HOXC4: variants seen among roughly 807,000 people sequenced by gnomAD.
HOXC4 encodes the protein homeobox protein Hox-C4.
In HOXC4, 15 loss-of-function variants were observed where a neutral mutation model predicts 25.5. The observed-to-expected ratio is 0.59, with a 90% confidence interval of 0.39 to 0.91. The LOEUF is 0.91. Ranked by LOEUF, HOXC4 falls within the 40% of genes least tolerant of loss-of-function variation. The pLI is 0.00. For missense variants in HOXC4, 342 were observed against 352.4 expected, an observed-to-expected ratio of 0.97 and a Z score of 0.24; for synonymous variants, 165 against 148.0, an observed-to-expected ratio of 1.11 and a Z score of -0.83.
intron 1 of HOXC4, among the ~76,000 whole-genome samples, chr12:54,043,918 CTGTGTGTGTGTGTGTGTGTGTG>C (rs71444829): frequency 1.4e-4 from 18 of 127,346 alleles, no homozygotes; most frequent in African/African-American, 5.4e-4. Flanking sequence ...AAAACACAGG[CTGTGTGTGTGTGTGTGTGTGTG>C]TGTGTGTGTG....
At chr12:54,025,036 C>T (rs1017328676) in intron 1 of HOXC4, among the ~76,000 whole-genome samples, 18 of 152,144 alleles carry the variant, frequency 1.2e-4, no homozygotes, top group African/African-American at 3.6e-4. Flanking sequence ...AAGCCCCTTC[C>T]GAATGCCTGA....
At chr12:54,046,282 C>T (rs1937702330) in intron 1 of HOXC4, among the ~76,000 whole-genome samples, 1 of 152,156 alleles carries the variant, frequency 6.6e-6, no homozygotes, top group Non-Finnish European at 1.5e-5. Context: ...TTTTTCTGTC[C>T]AACTCCTCGG....
rs148305568 is a variant in HOXC4, at chr12:54,054,128, G to A, written c.206G>A (p.Cys69Tyr). 10 of 1,613,912 alleles carry A rather than the reference G, an allele frequency of 6.2e-6. No individual in the cohort carries two copies. The highest frequency in any genetic ancestry group is 2.7e-5 in the African/African-American group (2 of 74,868). The change falls in exon 1 of 2, where the codon TGC becomes TAC. Residue 69 changes from cysteine to tyrosine, a missense_variant. Transcript: ENST00000430889. ...AGCTACCCTGAGCGCCAGTATAGCTGCACCAGTCTCCAGGGGCCCGGCAAT... is the reference window on the plus strand; with the variant it reads ...AGCTACCCTGAGCGCCAGTATAGCTACACCAGTCTCCAGGGGCCCGGCAAT... Reference protein sequence around the residue: ...RPSYPERQYSCTSLQGPGNSR... With the variant: ...RPSYPERQYSYTSLQGPGNSR...
upstream of HOXC4, among the ~76,000 whole-genome samples, chr12:54,051,728 C>CT (rs1473942851): frequency 6.6e-6 from 1 of 152,204 alleles, no homozygotes; most frequent in Admixed American, 6.5e-5. Flanking sequence ...GAGCTAAGCC[C>CT]TGGCCCTGCT....
intron 1 of HOXC4, chr12:54,028,261 ATATATATT>A (rs147500259): frequency 0.42 from 90,589 of 213,860 alleles, 19,452 homozygotes; most frequent in East Asian, 0.61. Flanking sequence ...ATATATATAT[ATATATATT>A]TTTTAAAAGA....
At chr12:54,033,750 C>T (rs1941083898) in intron 1 of HOXC4, among the ~76,000 whole-genome samples, 1 of 152,184 alleles carries the variant, frequency 6.6e-6, no homozygotes, top group South Asian at 2.1e-4. Context: ...TTTACGACGA[C>T]ATAATTGGAT....
intron 1 of HOXC4, among the ~76,000 whole-genome samples, chr12:54,023,210 T>G (rs1327847258): frequency 6.6e-6 from 1 of 152,100 alleles, no homozygotes; most frequent in African/African-American, 2.4e-5. Flanking sequence ...CCAGAAATGA[T>G]TTTTTCCAGA....
chr12:54,055,212 A>G lies in HOXC4; in HGVS notation c.*7A>G, dbSNP rs1937948225. 3.3e-6 allele frequency: 5 copies of G among 1,527,994 alleles called. No individual in the cohort carries two copies. Among genetic ancestry groups the G allele is most frequent in the Non-Finnish European group, 4.4e-6 (5 of 1,130,078 alleles). 94.7% of individuals were successfully genotyped at this position (1,527,994 alleles called of 1,614,324 possible). ...GGACATTACCAGGTTATAAAACATA[A>G]CTCACACCCCTGCCCCCACCCCATG... On this transcript the variant is annotated 3_prime_UTR_variant, in exon 2 of 2. Coordinates refer to ENST00000430889, the MANE Select transcript of HOXC4 (RefSeq NM_153633.3).
upstream of HOXC4, among the ~76,000 whole-genome samples, chr12:54,052,630 C>T (rs1019237781): frequency 4.1e-4 from 62 of 151,784 alleles, no homozygotes; most frequent in Non-Finnish European, 6.9e-4. Context: ...CCTCTACGGC[C>T]CTGTCACCCC....
At chr12:54,033,447 G>A (rs1410251685) in intron 1 of HOXC4, 2 of 1,600,496 alleles carry the variant, frequency 1.2e-6, no homozygotes, top group East Asian at 2.3e-5. Context: ...CCCGGCGCTG[G>A]AGGAGCGAGC....
chr12:54,037,364 T>C (rs576051250), intron 1 of HOXC4, among the ~76,000 whole-genome samples: 14 of 152,232 alleles, frequency 9.2e-5, no homozygotes, highest in African/African-American at 3.1e-4. Flanking sequence ...AGGGGTCTTC[T>C]GGGTTGCAAG....
chr12:54,041,364 G>A (rs893170433), intron 1 of HOXC4, among the ~76,000 whole-genome samples: 2 of 152,206 alleles, frequency 1.3e-5, no homozygotes, highest in Non-Finnish European at 2.9e-5. Flanking sequence ...GAATTTTCTG[G>A]TTGGGTTCTC....
chr12:54,021,998 T>G (rs1940470069), intron 1 of HOXC4: 1 of 152,266 alleles, frequency 6.6e-6, no homozygotes, highest in Non-Finnish European at 1.5e-5. Flanking sequence ...ACAGGGCAGC[T>G]GTTTATAGGG....
At chr12:54,029,185 GGA>G (rs1013650194) in intron 1 of HOXC4, among the ~76,000 whole-genome samples, 1 of 152,202 alleles carries the variant, frequency 6.6e-6, no homozygotes, top group Non-Finnish European at 1.5e-5. Flanking sequence ...ATGAGGGGAG[GGA>G]GCAGAAGATA....
At chr12:54,029,886 G>A in intron 1 of HOXC4, 1 of 1,601,966 alleles carries the variant, frequency 6.2e-7, no homozygotes. Context: ...GGGGGCGGCG[G>A]AGGGGCCACC....
intron 1 of HOXC4, among the ~76,000 whole-genome samples, chr12:54,039,948 G>A (rs1440567773): frequency 6.6e-6 from 1 of 152,046 alleles, no homozygotes; most frequent in African/African-American, 2.4e-5. Flanking sequence ...GCCCTTTGAT[G>A]ACTTCTTCAC....
chr12:54,027,536 G>C (rs1940775073), intron 1 of HOXC4, among the ~76,000 whole-genome samples: 1 of 152,212 alleles, frequency 6.6e-6, no homozygotes, highest in Non-Finnish European at 1.5e-5. Flanking sequence ...TCTCTAGAAA[G>C]ATTCTCAGAG....
rs1345046530 is a variant in HOXC4, at chr12:54,053,863, G to T, written c.-60G>T. 5.9e-6 allele frequency: 8 copies of T among 1,365,494 alleles called. No individual in the cohort carries two copies. Among genetic ancestry groups the T allele is most frequent in the Non-Finnish European group, 8.2e-6 (8 of 973,294 alleles). 84.6% of individuals were successfully genotyped at this position (1,365,494 alleles called of 1,614,324 possible). A position where few individuals can be genotyped will look rare whatever the true frequency, so the allele number is the denominator to read the frequency against. The stretch of plus-strand genomic sequence containing the variant: ...TTTACAGGGTCGCTAGCTAGTAGGA[G>T]GGCTTTATGGAGCAGAAAAACGACA... On this transcript the variant is annotated 5_prime_UTR_variant, in exon 1 of 2. It adds an upstream start codon to the 5' untranslated region. Coordinates refer to ENST00000430889, the MANE Select transcript of HOXC4 (RefSeq NM_153633.3).
chr12:54,033,067 T>C, intron 1 of HOXC4: 3 of 1,440,314 alleles, frequency 2.1e-6, no homozygotes, highest in Non-Finnish European at 2.9e-6. Flanking sequence ...CTTCAAAGAG[T>C]CACAAATCAC....
Sources: allele counts gnomAD v4.1 joint callset (sites outside exome capture counted in the v4.1 genomes callset), GRCh38; gene constraint gnomAD v4.1.1; transcripts MANE v1.5; gene names NCBI Gene and HGNC (gene_info 2026-07-23, HGNC 2026-07-21).